The following EXPH5 variants were observed in gnomAD, a reference collection of about 807,000 sequenced individuals.
EXPH5 encodes exophilin-5.
Under a neutral mutation model 41.1 loss-of-function variants are expected in EXPH5, and 42 were observed. The observed-to-expected ratio is 1.02, with a 90% confidence interval of 0.80 to 1.32. The LOEUF is 1.32. Among genes scored for constraint, EXPH5 ranks in the 40% most tolerant of loss-of-function variants. EXPH5 has a pLI of 0.00. For synonymous variants in EXPH5, 798 were observed against 833.5 expected (o/e 0.96, Z 0.73); for missense variants, 2,298 against 2,314.5 (o/e 0.99, Z 0.15).
chr11:108,541,625 A>G (rs767918084), intron 2 of EXPH5, 27 bp downstream of exon 2: 2 of 1,523,984 alleles, frequency 1.3e-6, no homozygotes, highest in Non-Finnish European at 1.8e-6. Flanking sequence ...AAAGAAATCA[A>G]CTTTAAATCT....
intron 1 of EXPH5, among the ~76,000 whole-genome samples, chr11:108,569,647 C>T (rs1168727754): frequency 6.6e-6 from 1 of 152,224 alleles, no homozygotes; most frequent in Non-Finnish European, 1.5e-5. Context: ...CCTGAATGTA[C>T]TGTTTTTAAA....
In EXPH5 at chr11:108,593,456, C is replaced by G. The variant is rs1282829263; in HGVS notation, c.81G>C (p.Arg27Ser). 6.2e-7 allele frequency: 1 copy of G among 1,614,214 alleles called. No homozygotes were observed. Among genetic ancestry groups the G allele is most frequent in the Non-Finnish European group, 8.5e-7 (1 of 1,180,034 alleles). ...TCTCGGCCCTCTGTAACTCCTCATT[C>G]CTTTCCAGCACCTGAAGGATCTTCC... is the stretch of plus-strand genomic sequence containing the variant. ...EARKILQVLE[R>S]NEELQRAEKD... The change falls in exon 1 of 6, where the codon AGG (arginine) becomes AGC (serine). Residue 27 changes from arginine to serine, a missense_variant. Physicochemically the swap from Arg to Ser is moderately radical, Grantham distance 110 (BLOSUM62 -1). Coordinates refer to ENST00000265843, the MANE Select transcript of EXPH5 (RefSeq NM_015065.3).
upstream of EXPH5, among the ~76,000 whole-genome samples, chr11:108,596,027 C>T (rs1286686957): frequency 1.3e-5 from 2 of 152,012 alleles, no homozygotes. Flanking sequence ...CAGTGAAACC[C>T]CGCCTCTACT....
intron 1 of EXPH5, among the ~76,000 whole-genome samples, chr11:108,580,169 A>C (rs2094093616): frequency 6.6e-6 from 1 of 152,226 alleles, no homozygotes; most frequent in African/African-American, 2.4e-5. Flanking sequence ...GGGAATTAAT[A>C]TCCAGAATAC....
chr11:108,511,761 A>T lies in EXPH5; in HGVS notation c.3746T>A (p.Val1249Glu). 1 of 1,611,640 alleles carries T rather than the reference A, an allele frequency of 6.2e-7. No individual in the cohort carries two copies. Among genetic ancestry groups the T allele is most frequent in the Non-Finnish European group, 8.5e-7 (1 of 1,179,432 alleles). ...CGGTAGAGTGTAATATATTGAGACC[A>T]CCTCCAGACATTTTACATTATCTTC... ...GDEDNVKCLE[V>E]VSIYYTLPRK... Residue 1249 changes from valine to glutamate, a missense_variant, in exon 6 of 6, where the codon GTG (valine) becomes GAG (glutamate). By Grantham distance (121) the Val-to-Glu change is moderately radical. Coordinates refer to ENST00000265843, the MANE Select transcript of EXPH5 (RefSeq NM_015065.3).
chr11:108,588,527 T>G (rs1017806865), intron 1 of EXPH5, among the ~76,000 whole-genome samples: 1 of 152,168 alleles, frequency 6.6e-6, no homozygotes, highest in Non-Finnish European at 1.5e-5. Context: ...ATCTCAAGCA[T>G]GTCACTTACC....
chr11:108,559,202 C>T (rs898804992), intron 1 of EXPH5, among the ~76,000 whole-genome samples: 5 of 152,302 alleles, frequency 3.3e-5, no homozygotes, highest in South Asian at 2.1e-4. Flanking sequence ...CCTGAACACA[C>T]AGCAAGCAGG....
the EXPH5 span, among the ~76,000 whole-genome samples, chr11:108,598,824 G>A: frequency 6.6e-6 from 1 of 152,214 alleles, no homozygotes; most frequent in Non-Finnish European, 1.5e-5. Context: ...GATAACATAA[G>A]GGAGCTAGGC....
intron 1 of EXPH5, among the ~76,000 whole-genome samples, chr11:108,568,312 G>A (rs1312610214): frequency 6.6e-6 from 1 of 152,066 alleles, no homozygotes; most frequent in African/African-American, 2.4e-5. Context: ...CTGGCTCGCT[G>A]GGCACCTGCT....
At chr11:108,567,196 C>T (rs1782391283) in intron 1 of EXPH5, among the ~76,000 whole-genome samples, 1 of 152,158 alleles carries the variant, frequency 6.6e-6, no homozygotes, top group Admixed American at 6.5e-5. Context: ...TCTGACAAGC[C>T]AGAGTTTACC....
At position 108,514,306 on chromosome 11, in the gene EXPH5, C is replaced by T. The variant is rs1458123663; in HGVS notation, c.1201G>A (p.Asp401Asn). 6.2e-7 allele frequency: 1 copy of T among 1,613,276 alleles called. No individual in the cohort carries two copies. The highest frequency in any genetic ancestry group is 2.2e-5 in the East Asian group (1 of 44,884). The stretch of plus-strand genomic sequence containing the variant: ...AAACCCCTGGGATACACATACTTGT[C>T]AGCGGGATCAATTTCCATTGGTGAT... ...APSPMEIDPA[D>N]KYVYPRGFQE... The change falls in exon 6 of 6, where the codon GAC becomes AAC. Residue 401 changes from aspartate (D) to asparagine (N), a missense_variant. Transcript: ENST00000265843.
At chr11:108,573,139 G>GGAAAGAAAA (rs2094066776) in intron 1 of EXPH5, among the ~76,000 whole-genome samples, 1 of 90,508 alleles carries the variant, frequency 1.1e-5, no homozygotes, top group South Asian at 4.3e-4. Flanking sequence ...AAGGAAAGAA[G>GGAAAGAAAA]GAAAGAAAGA....
upstream of EXPH5, among the ~76,000 whole-genome samples, chr11:108,595,537 C>T (rs2094137633): frequency 6.6e-6 from 1 of 152,176 alleles, no homozygotes; most frequent in Non-Finnish European, 1.5e-5. Context: ...AGCTTGGAAG[C>T]TAGAAAACAC....
Position 108,514,648 on chromosome 11 carries a change from A to G in EXPH5, c.859T>C (p.Phe287Leu), listed in dbSNP as rs2093711159. 2 of 1,605,388 alleles carry G rather than the reference A, an allele frequency of 1.2e-6. No homozygotes were observed. Among genetic ancestry groups the G allele is most frequent in the African/African-American group, 1.3e-5 (1 of 74,392 alleles). The stretch of plus-strand genomic sequence containing the variant: ...TAAATTGTGCTTGTCCTAGGAGAAA[A>G]GGTTTTAAAACCTTCCCTAGGAGTT... The part of the protein sequence containing the change: ...PGTPREGFKT[F>L]SPRTSTIYDM... The change falls in exon 6 of 6, where the codon TTT (phenylalanine) becomes CTT (leucine). Residue 287 changes from phenylalanine to leucine, a missense_variant. Transcript: ENST00000265843.
At chr11:108,534,410 A>C (rs2093865095) in intron 3 of EXPH5, among the ~76,000 whole-genome samples, 1 of 152,166 alleles carries the variant, frequency 6.6e-6, no homozygotes. Flanking sequence ...TGCTCATATA[A>C]GGCCCGTGTG....
chr11:108,538,118 C>T lies in EXPH5; in HGVS notation c.443+906G>A, dbSNP rs977613052. 5.7e-5 allele frequency: 56 copies of T among 985,426 alleles called. 1 individual carries two copies. In the South Asian group the frequency reaches 2.4e-3, roughly 43 times the overall value. 61.0% of individuals were successfully genotyped at this position (985,426 alleles called of 1,614,324 possible). On this transcript the variant is annotated intron_variant, in intron 3 of 5. Coordinates refer to ENST00000265843, the MANE Select transcript of EXPH5 (RefSeq NM_015065.3). The stretch of plus-strand genomic sequence containing the variant: ...TCACCCAAGAGGGGAGGACAGTGGT[C>T]TGTTAAATCCAGCAGCCTCATCACA...
chr11:108,595,451 C>T (rs571479422), upstream of EXPH5, among the ~76,000 whole-genome samples: 107 of 152,240 alleles, frequency 7.0e-4, no homozygotes, highest in Non-Finnish European at 1.4e-3. Flanking sequence ...AGGGGATCAG[C>T]GTGCTGAATA....
intron 4 of EXPH5, among the ~76,000 whole-genome samples, chr11:108,523,208 A>G (rs2093776455): frequency 6.6e-6 from 1 of 152,172 alleles, no homozygotes. Flanking sequence ...AAAATTACTC[A>G]TTTATTTTTA....
intron 1 of EXPH5, among the ~76,000 whole-genome samples, chr11:108,589,600 T>A (rs1356955908): frequency 6.6e-6 from 1 of 152,186 alleles, no homozygotes; most frequent in African/African-American, 2.4e-5. Flanking sequence ...TAACATCTGG[T>A]TCTGATGCCA....
Sources: allele counts gnomAD v4.1 joint callset (sites outside exome capture counted in the v4.1 genomes callset), GRCh38; gene constraint gnomAD v4.1.1; transcripts MANE v1.5; gene names NCBI Gene and HGNC (gene_info 2026-07-23, HGNC 2026-07-21).